NAALADL2: variants seen among roughly 807,000 people sequenced by gnomAD.
NAALADL2 encodes inactive N-acetylated-alpha-linked acidic dipeptidase-like protein 2.
Under a neutral mutation model 87.2 loss-of-function variants are expected in NAALADL2, and 76 were observed. The ratio of observed to expected loss-of-function variants is 0.87; its 90% CI spans 0.72 to 1.05. The LOEUF (loss-of-function observed/expected upper bound fraction) is 1.05. Among genes scored for constraint, NAALADL2 ranks in the 50% least tolerant of loss-of-function variants. The probability of loss-of-function intolerance (pLI) is 0.00; values close to 1 mark genes in which losing one functional copy is unlikely to be tolerated. For synonymous variants in NAALADL2, 354 were observed against 331.0 expected, an observed-to-expected ratio of 1.07 and a Z score of -0.75; for missense variants, 1,089 against 945.8, an observed-to-expected ratio of 1.15 and a Z score of -1.99.
chr3:174,979,179 T>G (rs930608309), intron 1 of NAALADL2, among the ~76,000 whole-genome samples: 1 of 152,048 alleles, frequency 6.6e-6, no homozygotes, highest in African/African-American at 2.4e-5. Flanking sequence ...CTTCAGAGTT[T>G]TCATGCTCTC....
intron 3 of NAALADL2, among the ~76,000 whole-genome samples, chr3:174,798,315 T>A (rs1176247149): frequency 6.6e-6 from 1 of 152,228 alleles, no homozygotes; most frequent in East Asian, 1.9e-4. Context: ...AATTTTGTGG[T>A]TATATAGTGG....
At chr3:175,003,594 A>C (rs1426602025) in intron 1 of NAALADL2, among the ~76,000 whole-genome samples, 1 of 152,196 alleles carries the variant, frequency 6.6e-6, no homozygotes, top group African/African-American at 2.4e-5. Flanking sequence ...GGCATTCCAT[A>C]AGTTAAATAA....
chr3:175,061,040 C>G (rs1713363270), intron 1 of NAALADL2, among the ~76,000 whole-genome samples: 2 of 152,094 alleles, frequency 1.3e-5, no homozygotes, highest in Middle Eastern at 3.4e-3. Context: ...GAGCGAAACT[C>G]CGTCTCAAAA....
chr3:175,779,277 T>C (rs1010193776), intron 13 of NAALADL2, among the ~76,000 whole-genome samples: 1 of 151,982 alleles, frequency 6.6e-6, no homozygotes, highest in African/African-American at 2.4e-5. Context: ...TTTTTTACTC[T>C]AAATAACAAA....
At chr3:174,717,832 A>C (rs906178039) in intron 2 of NAALADL2, among the ~76,000 whole-genome samples, 40 of 152,240 alleles carry the variant, frequency 2.6e-4, no homozygotes, top group Non-Finnish European at 2.9e-4. Flanking sequence ...TTTTACAAGA[A>C]GTTTCCTCCT....
At chr3:175,057,287 G>A (rs1013341102) in intron 1 of NAALADL2, among the ~76,000 whole-genome samples, 6 of 152,142 alleles carry the variant, frequency 3.9e-5, no homozygotes, top group Admixed American at 2.0e-4. Context: ...CCTGACAAAC[G>A]TGCCTGAAAT....
intron 5 of NAALADL2, among the ~76,000 whole-genome samples, chr3:175,330,937 A>C (rs62287015): frequency 0.19 from 28,927 of 151,460 alleles, 3,060 homozygotes; most frequent in African/African-American, 0.29. Flanking sequence ...TTAAGGCCCA[A>C]ATAAACAAAA....
At chr3:174,688,561 A>G (rs1728262242) in intron 2 of NAALADL2, among the ~76,000 whole-genome samples, 1 of 152,056 alleles carries the variant, frequency 6.6e-6, no homozygotes, top group South Asian at 2.1e-4. Flanking sequence ...GTATCTTTCT[A>G]TTGGCTGTTA....
intron 1 of NAALADL2, among the ~76,000 whole-genome samples, chr3:174,893,319 CG>C (rs35840336): frequency 0.21 from 30,989 of 150,372 alleles, 3,205 homozygotes; most frequent in East Asian, 0.28. Flanking sequence ...AACCCCCCCC[CG>C]CAAAAAGTTA....
At chr3:174,704,694 TAAAAA>T (rs562259278) in intron 2 of NAALADL2, among the ~76,000 whole-genome samples, 1 of 149,782 alleles carries the variant, frequency 6.7e-6, no homozygotes, top group Non-Finnish European at 1.5e-5. Flanking sequence ...GGAAAATAGA[TAAAAA>T]AAAACTTCCC....
At chr3:174,569,818 T>G (rs942372528) in intron 2 of NAALADL2, among the ~76,000 whole-genome samples, 2 of 152,128 alleles carry the variant, frequency 1.3e-5, no homozygotes, top group African/African-American at 4.8e-5. Context: ...TTGGGAATTG[T>G]TTAGCCTACA....
chr3:174,879,621 A>G (rs750658655), intron 1 of NAALADL2, among the ~76,000 whole-genome samples: 62 of 152,084 alleles, frequency 4.1e-4, no homozygotes, highest in Non-Finnish European at 7.4e-4. Flanking sequence ...ACTTGCTTCA[A>G]AAGAATTAAA....
chr3:175,215,323 C>G lies in NAALADL2; in HGVS notation c.546-18608C>G, dbSNP rs1742351058. Among the ~76,000 whole-genome samples, 3 of 152,222 alleles carry G rather than the reference C, an allele frequency of 2.0e-5. No individual in the cohort carries two copies. The South Asian group carries it at 6.2e-4, about 32-fold the overall frequency. On this transcript the variant is annotated intron_variant, in intron 2 of 13. Coordinates refer to ENST00000454872, the MANE Select transcript of NAALADL2 (RefSeq NM_207015.3). The stretch of plus-strand genomic sequence containing the variant: ...CTTTTCTTTCAGATCACTATCGTGT[C>G]TTTTTTCTTTAACAACATCCCAGCA...
At chr3:175,472,447 G>A (rs1725046368) in intron 9 of NAALADL2, among the ~76,000 whole-genome samples, 1 of 151,982 alleles carries the variant, frequency 6.6e-6, no homozygotes, top group African/African-American at 2.4e-5. Context: ...TAAAATATGT[G>A]CTATTTCTCA....
intron 9 of NAALADL2, among the ~76,000 whole-genome samples, chr3:175,542,344 A>C (rs1049318761): frequency 9.2e-5 from 14 of 152,220 alleles, no homozygotes; most frequent in Non-Finnish European, 1.9e-4. Context: ...ATGTTATAAC[A>C]CTTCTAAAGA....
Position 175,096,960 on chromosome 3 carries a change from CAG to C in NAALADL2, c.216_217del (p.Asn73ProfsTer12), listed in dbSNP as rs759396928. 1.2e-6 allele frequency: 2 copies of C among 1,613,320 alleles called. No homozygotes were observed. The highest frequency in any genetic ancestry group is 1.7e-6 in the Non-Finnish European group (2 of 1,179,632). ...ATTCCAGCTAGACGGTGCTGAGAAT[CAG>C]AACCTAGGGCATTCAGAGACTATAG... The part of the protein sequence containing the change: ...DQFQLDGAEN[Q>X]NLGHSETIDL... On this transcript the variant is annotated frameshift_variant, in exon 2 of 14. Coordinates refer to ENST00000454872, the MANE Select transcript of NAALADL2 (RefSeq NM_207015.3). LOFTEE classifies it high-confidence loss of function.
At chr3:175,468,074 C>G (rs1724349731) in intron 8 of NAALADL2, among the ~76,000 whole-genome samples, 1 of 151,692 alleles carries the variant, frequency 6.6e-6, no homozygotes, top group Non-Finnish European at 1.5e-5. Flanking sequence ...AATTATTTTG[C>G]TACATTTTTA....
chr3:175,506,693 C>A (rs1297101688), intron 9 of NAALADL2, among the ~76,000 whole-genome samples: 1 of 152,150 alleles, frequency 6.6e-6, no homozygotes, highest in Non-Finnish European at 1.5e-5. Context: ...TTTCGTTCAA[C>A]AATATATAAA....
chr3:174,649,962 A>G (rs1231600879), intron 2 of NAALADL2, among the ~76,000 whole-genome samples: 2 of 152,168 alleles, frequency 1.3e-5, no homozygotes, highest in African/African-American at 4.8e-5. Flanking sequence ...AAGTAGATGT[A>G]TTAGAAAGCA....
Sources: gnomAD v4.1 joint callset for allele counts (sites outside exome capture counted in the v4.1 genomes callset) on GRCh38, gnomAD v4.1.1 for gene constraint, MANE v1.5 for transcripts, NCBI Gene and HGNC (gene_info 2026-07-23, HGNC 2026-07-21) for gene names.